SLC4A10: variants seen among roughly 807,000 people sequenced by gnomAD.
The protein encoded by SLC4A10 is sodium-driven chloride bicarbonate exchanger.
In SLC4A10, 42 loss-of-function variants were observed where a neutral mutation model predicts 137.7. The ratio of observed to expected loss-of-function variants is 0.30; its 90% CI spans 0.24 to 0.39. The LOEUF is 0.39. Among genes scored for constraint, SLC4A10 ranks in the 10% least tolerant of loss-of-function variants. The pLI is 1.00. For synonymous variants in SLC4A10, 474 were observed against 464.1 expected, an observed-to-expected ratio of 1.02 and a Z score of -0.27; for missense variants, 925 against 1,355.0, an observed-to-expected ratio of 0.68 and a Z score of 4.98.
intron 3 of SLC4A10, among the ~76,000 whole-genome samples, chr2:161,813,666 G>T (rs1172640498): frequency 6.6e-6 from 1 of 152,102 alleles, no homozygotes. Flanking sequence ...ATGCGCTAAT[G>T]ATGAGTTTTC....
At chr2:161,664,826 C>A (rs2038865005) in intron 1 of SLC4A10, among the ~76,000 whole-genome samples, 1 of 151,310 alleles carries the variant, frequency 6.6e-6, no homozygotes, top group Admixed American at 6.6e-5. Flanking sequence ...CATTTAATTT[C>A]ATATACCTTA....
intron 12 of SLC4A10, among the ~76,000 whole-genome samples, chr2:161,902,708 G>T (rs940454764): frequency 6.6e-6 from 1 of 151,934 alleles, no homozygotes; most frequent in Non-Finnish European, 1.5e-5. Flanking sequence ...TTATTAATAG[G>T]TAACTATTAC....
chr2:161,687,049 T>G (rs1024173591), intron 1 of SLC4A10, among the ~76,000 whole-genome samples: 3 of 151,710 alleles, frequency 2.0e-5, no homozygotes, highest in Non-Finnish European at 2.9e-5. Context: ...GCCCAGCAAA[T>G]TTTTTTTATT....
chr2:161,731,827 G>A (rs987972889), intron 1 of SLC4A10, among the ~76,000 whole-genome samples: 2 of 151,942 alleles, frequency 1.3e-5, no homozygotes, highest in Non-Finnish European at 1.5e-5. Context: ...CTGTTTTCCT[G>A]TCAAAATTCC....
chr2:161,878,813 G>A (rs1199784707), intron 8 of SLC4A10, among the ~76,000 whole-genome samples: 1 of 152,014 alleles, frequency 6.6e-6, no homozygotes, highest in Non-Finnish European at 1.5e-5. Context: ...TTAAATTATG[G>A]TTAAAGAATA....
intron 1 of SLC4A10, among the ~76,000 whole-genome samples, chr2:161,625,592 G>T (rs1295109108): frequency 1.3e-5 from 2 of 152,068 alleles, no homozygotes; most frequent in Non-Finnish European, 2.9e-5. Context: ...GACTGGCGGT[G>T]AGCTGTCCAT....
intron 19 of SLC4A10, among the ~76,000 whole-genome samples, chr2:161,955,089 A>G (rs1426932666): frequency 6.6e-6 from 1 of 152,138 alleles, no homozygotes; most frequent in Non-Finnish European, 1.5e-5. Context: ...ATTTTGCAAA[A>G]TAGCTCCAAG....
chr2:161,756,251 T>C (rs1274623223), intron 1 of SLC4A10, among the ~76,000 whole-genome samples: 2 of 152,280 alleles, frequency 1.3e-5, no homozygotes, highest in African/African-American at 4.8e-5. Context: ...AATATGGATA[T>C]TGTAAAATTA....
intron 8 of SLC4A10, among the ~76,000 whole-genome samples, chr2:161,877,510 G>A (rs2061510160): frequency 6.6e-6 from 1 of 151,984 alleles, no homozygotes; most frequent in African/African-American, 2.4e-5. Context: ...AAAATGTAAA[G>A]CATTACTAAT....
In SLC4A10 at chr2:161,905,826, G is replaced by A; in HGVS notation, c.1936G>A (p.Glu646Lys). The A allele has an allele frequency of 6.2e-7, 1 of 1,613,928 alleles. No homozygotes were observed. The highest frequency in any genetic ancestry group is 8.5e-7 in the Non-Finnish European group (1 of 1,179,856). ...TTATGAGGCCCTGGAGAAGTTGTTT[G>A]AACTCAGTGAAGCATATCCAATCAA... ...FIYEALEKLFELSEAYPINMH... is the reference protein window; with the variant it reads ...FIYEALEKLFKLSEAYPINMH... Residue 646 changes from glutamate to lysine, a missense_variant, in exon 15 of 27, where the codon GAA (glutamate) becomes AAA (lysine). By Grantham distance (56) the Glu-to-Lys change is moderately conservative. Coordinates refer to ENST00000446997, the MANE Select transcript of SLC4A10 (RefSeq NM_001178015.2).
At chr2:161,655,656 G>A (rs904565173) in intron 1 of SLC4A10, among the ~76,000 whole-genome samples, 7 of 152,142 alleles carry the variant, frequency 4.6e-5, no homozygotes, top group Admixed American at 1.3e-4. Context: ...AAACAGAAGA[G>A]GAGGGAATAT....
At chr2:161,744,375 C>T (rs377448866) in intron 1 of SLC4A10, among the ~76,000 whole-genome samples, 13 of 152,146 alleles carry the variant, frequency 8.5e-5, no homozygotes, top group African/African-American at 2.6e-4. Context: ...TTTTCAGTAT[C>T]GATTGAAATG....
chr2:161,926,024 T>C (rs1689005786), intron 15 of SLC4A10, among the ~76,000 whole-genome samples: 1 of 152,142 alleles, frequency 6.6e-6, no homozygotes, highest in South Asian at 2.1e-4. Context: ...AAAATGTATA[T>C]TCTGTTGATT....
intron 19 of SLC4A10, among the ~76,000 whole-genome samples, chr2:161,956,367 C>A (rs1054271159): frequency 1.3e-5 from 2 of 152,130 alleles, no homozygotes; most frequent in African/African-American, 4.8e-5. Context: ...ATTATACTGC[C>A]TCTCATAAAG....
At chr2:161,702,236 C>T (rs2043198312) in intron 1 of SLC4A10, among the ~76,000 whole-genome samples, 1 of 151,752 alleles carries the variant, frequency 6.6e-6, no homozygotes, top group African/African-American at 2.4e-5. Context: ...GAATAAAATC[C>T]TGTCATTTGC....
At chr2:161,859,492 A>G (rs1271913053) in intron 5 of SLC4A10, among the ~76,000 whole-genome samples, 3 of 150,388 alleles carry the variant, frequency 2.0e-5, no homozygotes, top group Non-Finnish European at 4.4e-5. Context: ...GGGATTCACC[A>G]CGTTGGACAG....
At chr2:161,744,466 A>G (rs965389522) in intron 1 of SLC4A10, among the ~76,000 whole-genome samples, 1 of 152,154 alleles carries the variant, frequency 6.6e-6, no homozygotes, top group African/African-American at 2.4e-5. Context: ...CTATTGCTGC[A>G]TCCCTGGGAT....
chr2:161,788,734 G>C (rs1461400199), intron 2 of SLC4A10, among the ~76,000 whole-genome samples: 2 of 152,196 alleles, frequency 1.3e-5, no homozygotes, highest in South Asian at 2.1e-4. Context: ...TTTTCAACTT[G>C]TCTGCCCTTC....
intron 15 of SLC4A10, among the ~76,000 whole-genome samples, chr2:161,933,233 TTCTTTC>T (rs1425067293): frequency 3.4e-5 from 5 of 147,140 alleles, no homozygotes; most frequent in Admixed American, 1.4e-4. Flanking sequence ...CTTTCTTTCT[TTCTTTC>T]TTTCTTTCTT....
Sources: gnomAD v4.1 joint callset for allele counts (sites outside exome capture counted in the v4.1 genomes callset) on GRCh38, gnomAD v4.1.1 for gene constraint, MANE v1.5 for transcripts, NCBI Gene and HGNC (gene_info 2026-07-23, HGNC 2026-07-21) for gene names.